The following CNIH3 variants were observed in gnomAD, a reference collection of about 807,000 sequenced individuals.
The protein encoded by CNIH3 is cornichon family AMPA receptor auxiliary protein 3, also known as protein cornichon homolog 3.
Under a neutral mutation model 24.1 loss-of-function variants are expected in CNIH3, and 14 were observed. The observed-to-expected ratio is 0.58, with a 90% confidence interval of 0.38 to 0.91. CNIH3 has a LOEUF of 0.91. Ranked by LOEUF, CNIH3 falls within the 40% of genes least tolerant of loss-of-function variation. CNIH3 has a pLI of 0.00. For missense variants in CNIH3, 178 were observed against 196.8 expected, an observed-to-expected ratio of 0.90 and a Z score of 0.57; for synonymous variants, 68 against 73.8, an observed-to-expected ratio of 0.92 and a Z score of 0.40.
intron 3 of CNIH3, among the ~76,000 whole-genome samples, chr1:224,602,996 A>G (rs565281962): frequency 6.6e-6 from 1 of 152,250 alleles, no homozygotes; most frequent in Non-Finnish European, 1.5e-5. Context: ...GCAACACAAA[A>G]CCACAGAAAC....
chr1:224,599,618 CTAA>C (rs1216227809), intron 3 of CNIH3, among the ~76,000 whole-genome samples: 2 of 151,658 alleles, frequency 1.3e-5, no homozygotes, highest in Non-Finnish European at 2.9e-5. Flanking sequence ...ATTAGATATT[CTAA>C]TAATTTTCTT....
chr1:224,614,741 G>A (rs926833566), upstream of CNIH3, among the ~76,000 whole-genome samples: 1 of 152,024 alleles, frequency 6.6e-6, no homozygotes, highest in African/African-American at 2.4e-5. Context: ...GAGGTCAAGA[G>A]ATCGAGACCA....
chr1:224,589,367 T>A (rs1056777826), downstream of CNIH3, among the ~76,000 whole-genome samples: 2 of 152,180 alleles, frequency 1.3e-5, no homozygotes, highest in African/African-American at 4.8e-5. Context: ...ACATTCTGAA[T>A]CAAAATAATG....
intron 3 of CNIH3, among the ~76,000 whole-genome samples, chr1:224,606,940 C>T (rs1026233664): frequency 6.6e-6 from 1 of 152,162 alleles, no homozygotes; most frequent in African/African-American, 2.4e-5. Flanking sequence ...ACTGAATTTC[C>T]TGCCAGTCAA....
intron 1 of CNIH3, among the ~76,000 whole-genome samples, chr1:224,630,164 C>A (rs962768900): frequency 3.9e-5 from 6 of 152,144 alleles, no homozygotes; most frequent in African/African-American, 1.4e-4. Context: ...CCATTAAGCA[C>A]AAAGGGCATC....
intron 4 of CNIH3, among the ~76,000 whole-genome samples, chr1:224,572,198 CGGATGCCAA>C (rs1680846313): frequency 6.6e-6 from 1 of 152,102 alleles, no homozygotes; most frequent in South Asian, 2.1e-4. Flanking sequence ...ATATTTAAAA[CGGATGCCAA>C]GGCAACATAG....
intron 1 of CNIH3, among the ~76,000 whole-genome samples, chr1:224,477,126 C>G (rs1167912057): frequency 6.6e-6 from 1 of 152,162 alleles, no homozygotes. Flanking sequence ...ATGAGCCTCC[C>G]CATTGAGAAA....
chr1:224,551,943 C>T (rs958601595), intron 3 of CNIH3, among the ~76,000 whole-genome samples: 1 of 151,324 alleles, frequency 6.6e-6, no homozygotes, highest in Non-Finnish European at 1.5e-5. Flanking sequence ...TGTACACCCA[C>T]TGTTGTATTA....
chr1:224,687,073 G>A (rs4653403), intron 3 of CNIH3, among the ~76,000 whole-genome samples: 144,076 of 152,220 alleles, frequency 0.95, 68,547 homozygotes, highest in Non-Finnish European at 1. Flanking sequence ...GAAAAGGTAG[G>A]CATCAGAGGA....
chr1:224,535,321 G>A (rs964152302), intron 2 of CNIH3, among the ~76,000 whole-genome samples: 4 of 152,148 alleles, frequency 2.6e-5, no homozygotes, highest in African/African-American at 9.7e-5. Flanking sequence ...GGAGCTAGAA[G>A]AAGTGAGGAA....
downstream of CNIH3, among the ~76,000 whole-genome samples, chr1:224,593,027 A>T (rs1373445706): frequency 6.6e-6 from 1 of 152,156 alleles, no homozygotes; most frequent in Non-Finnish European, 1.5e-5. Context: ...ATGCAAGCAG[A>T]AAGCTACATC....
intron 3 of CNIH3, among the ~76,000 whole-genome samples, chr1:224,596,981 C>T (rs944742502): frequency 4.0e-5 from 6 of 151,864 alleles, no homozygotes; most frequent in Admixed American, 1.3e-4. Flanking sequence ...GGTGAAACCC[C>T]GTCTCTACTA....
intron 2 of CNIH3, among the ~76,000 whole-genome samples, chr1:224,683,874 G>A (rs1686520371): frequency 6.6e-6 from 1 of 152,196 alleles, no homozygotes; most frequent in Admixed American, 6.5e-5. Flanking sequence ...AGGATGCAGT[G>A]TGTCTTTCCA....
At chr1:224,464,343 C>CTGT (rs1300500271) in intron 1 of CNIH3, among the ~76,000 whole-genome samples, 1 of 151,414 alleles carries the variant, frequency 6.6e-6, no homozygotes, top group Non-Finnish European at 1.5e-5. Context: ...GTTGCCCAGG[C>CTGT]TGTTCTTAAA....
intron 1 of CNIH3, among the ~76,000 whole-genome samples, chr1:224,474,213 A>G (rs1676475850): frequency 6.6e-6 from 1 of 152,052 alleles, no homozygotes; most frequent in African/African-American, 2.4e-5. Flanking sequence ...AAAAATACAA[A>G]ATTAGCTGGG....
At chr1:224,636,279 G>A (rs1368741390) in intron 1 of CNIH3, among the ~76,000 whole-genome samples, 2 of 152,152 alleles carry the variant, frequency 1.3e-5, no homozygotes, top group Admixed American at 6.5e-5. Flanking sequence ...GATGAAAGAG[G>A]GATACAGTCA....
chr1:224,644,474 C>T (rs1201122438), intron 1 of CNIH3, among the ~76,000 whole-genome samples: 1 of 152,118 alleles, frequency 6.6e-6, no homozygotes, highest in African/African-American at 2.4e-5. Context: ...TGGGGTTGGA[C>T]CAGGTGATGT....
At chr1:224,567,837 C>T (rs780401596) in intron 4 of CNIH3, among the ~76,000 whole-genome samples, 2 of 152,132 alleles carry the variant, frequency 1.3e-5, no homozygotes, top group Non-Finnish European at 2.9e-5. Context: ...CATAAATGAC[C>T]CCACTGGGAT....
At chr1:224,733,570 G>A (rs918869200) in intron 4 of CNIH3, among the ~76,000 whole-genome samples, 3 of 152,202 alleles carry the variant, frequency 2.0e-5, no homozygotes, top group East Asian at 1.9e-4. Flanking sequence ...CCGGATCTGC[G>A]AGTTGCTACA....
Sources: allele counts gnomAD v4.1 joint callset (sites outside exome capture counted in the v4.1 genomes callset), GRCh38; gene constraint gnomAD v4.1.1; transcripts MANE v1.5; gene names NCBI Gene and HGNC (gene_info 2026-07-23, HGNC 2026-07-21).